Variants in HECW1 observed in about 807,000 individuals in gnomAD.
HECW1 encodes E3 ubiquitin-protein ligase HECW1.
A neutral mutation model predicts 182.3 loss-of-function variants in HECW1; 61 were observed. The ratio of observed to expected loss-of-function variants is 0.33; its 90% confidence interval spans 0.27 to 0.41. The LOEUF (loss-of-function observed/expected upper bound fraction) is 0.41, where lower values mean the gene tolerates loss of function less well. Ranked by LOEUF, HECW1 falls within the 10% of genes least tolerant of loss-of-function variation. The pLI, the probability that HECW1 is intolerant of heterozygous loss-of-function variation, is 1.00. For synonymous variants in HECW1, 859 were observed against 832.6 expected (o/e 1.03, Z -0.55); for missense variants, 1,739 against 2,108.9 (o/e 0.82, Z 3.44).
At chr7:43,505,529 C>CCTGTTT (rs1433147715) in intron 21 of HECW1, among the ~76,000 whole-genome samples, 1 of 152,188 alleles carries the variant, frequency 6.6e-6, no homozygotes, top group Non-Finnish European at 1.5e-5. Flanking sequence ...TGTACCTTGT[C>CCTGTTT]CTGTTTCATG....
At chr7:43,230,895 AAATT>A (rs1261336374) in intron 2 of HECW1, among the ~76,000 whole-genome samples, 1 of 91,610 alleles carries the variant, frequency 1.1e-5, no homozygotes, top group Non-Finnish European at 2.8e-5. Context: ...TAAAAAAAAT[AAATT>A]AAAGCAGAAA....
chr7:43,425,775 A>G (rs2076345370), intron 8 of HECW1, among the ~76,000 whole-genome samples: 1 of 152,144 alleles, frequency 6.6e-6, no homozygotes. Context: ...GCCTTCAATA[A>G]TAGCATTAAT....
At chr7:43,277,861 C>T (rs1312937576) in intron 3 of HECW1, among the ~76,000 whole-genome samples, 1 of 152,196 alleles carries the variant, frequency 6.6e-6, no homozygotes, top group Non-Finnish European at 1.5e-5. Context: ...ACACGGTTGA[C>T]TGTACCTCCC....
intron 5 of HECW1, among the ~76,000 whole-genome samples, chr7:43,359,898 G>A (rs1815652157): frequency 6.6e-6 from 1 of 151,988 alleles, no homozygotes; most frequent in Non-Finnish European, 1.5e-5. Context: ...AGTGAATTGG[G>A]GAAAGCAAAT....
intron 2 of HECW1, chr7:43,194,582 C>T (rs1363814677): frequency 6.6e-6 from 1 of 152,176 alleles, no homozygotes; most frequent in Non-Finnish European, 1.5e-5. Flanking sequence ...CAAGGACCTT[C>T]TTTTCTTGGC....
At chr7:43,313,836 C>T (rs73322335) in intron 4 of HECW1, among the ~76,000 whole-genome samples, 2,212 of 152,260 alleles carry the variant, frequency 0.015, 54 homozygotes, top group African/African-American at 0.051. Flanking sequence ...TGGCCTGTAA[C>T]CTTCAGTGTT....
chr7:43,174,301 G>T (rs1158890621), intron 2 of HECW1, among the ~76,000 whole-genome samples: 1 of 152,158 alleles, frequency 6.6e-6, no homozygotes, highest in African/African-American at 2.4e-5. Context: ...CCCTTATGAG[G>T]GAGGCTGGAC....
chr7:43,200,510 A>G (rs982839166), intron 2 of HECW1, among the ~76,000 whole-genome samples: 4 of 152,218 alleles, frequency 2.6e-5, no homozygotes, highest in African/African-American at 9.6e-5. Flanking sequence ...CTACCTTCCA[A>G]TCTTTTAGAT....
chr7:43,538,062 T>C (rs1402762884), intron 24 of HECW1, among the ~76,000 whole-genome samples: 1 of 152,186 alleles, frequency 6.6e-6, no homozygotes, highest in Non-Finnish European at 1.5e-5. Context: ...CTCAGATTTC[T>C]TCCCTGGTTG....
At position 43,563,065 on chromosome 7, in the gene HECW1, C is replaced by G. The variant is rs1585316730; in HGVS notation, c.*1139C>G. 5.0e-6 allele frequency: 1 copy of G among 201,374 alleles called. No homozygotes were observed. Among genetic ancestry groups the G allele is most frequent in the Non-Finnish European group, 1.0e-5 (1 of 97,914 alleles). The allele number at this position is 201,374 out of a possible 1,614,324, so 12.5% of individuals were successfully genotyped here. ...TTCAAGTTCCTTTGCATTCGATTGT[C>G]CATCGGGACCACACTAGGAAGCTGC... On this transcript the variant is annotated 3_prime_UTR_variant, in exon 30 of 30. Coordinates refer to ENST00000395891, the MANE Select transcript of HECW1 (RefSeq NM_015052.5).
At chr7:43,402,435 G>T (rs915570363) in intron 7 of HECW1, among the ~76,000 whole-genome samples, 2 of 152,156 alleles carry the variant, frequency 1.3e-5, no homozygotes, top group African/African-American at 2.4e-5. Context: ...TGTGAGGGGG[G>T]TCAGGGAACT....
At chr7:43,114,585 T>C (rs978579164) in intron 2 of HECW1, among the ~76,000 whole-genome samples, 194 bp downstream of exon 2, 2 of 152,214 alleles carry the variant, frequency 1.3e-5, no homozygotes, top group Non-Finnish European at 2.9e-5. Flanking sequence ...GAATGTGGCA[T>C]TGGAAAAACA....
chr7:43,207,563 C>G (rs1795600495), intron 2 of HECW1, among the ~76,000 whole-genome samples: 1 of 152,088 alleles, frequency 6.6e-6, no homozygotes. Context: ...GCTATAGAAC[C>G]TAGAACTGAT....
intron 21 of HECW1, among the ~76,000 whole-genome samples, chr7:43,502,018 G>A (rs181589807): frequency 1.9e-4 from 29 of 152,290 alleles, no homozygotes; most frequent in African/African-American, 6.7e-4. Context: ...CACATGGTCT[G>A]CAAAGCCTCA....
rs200590983 is a variant in HECW1, at chr7:43,315,140, T to C, written c.352+3053T>C. ...CTGTTCTGACATAAGAGGGGGAAGATACCTGGATGTAGAGGGTGAAGTGTG... is the reference window on the plus strand; with the variant it reads ...CTGTTCTGACATAAGAGGGGGAAGACACCTGGATGTAGAGGGTGAAGTGTG... On this transcript the variant is annotated intron_variant, in intron 4 of 29. Coordinates refer to ENST00000395891, the MANE Select transcript of HECW1 (RefSeq NM_015052.5). 3.9e-5 allele frequency among the ~76,000 whole-genome samples: 6 copies of C among 152,330 alleles called. No homozygotes were observed. In the East Asian group the frequency reaches 1.2e-3, roughly 29 times the overall value.
chr7:43,321,963 C>T (rs970394813), intron 5 of HECW1, among the ~76,000 whole-genome samples: 6 of 152,118 alleles, frequency 3.9e-5, no homozygotes, highest in South Asian at 2.1e-4. Flanking sequence ...GAATAGACAA[C>T]GAGGAAATTT....
At chr7:43,150,771 A>C (rs2152644293) in intron 2 of HECW1, 1 of 153,502 alleles carries the variant, frequency 6.5e-6, no homozygotes, top group African/African-American at 2.4e-5. Context: ...CAGGGCATCC[A>C]GAGAAGATAG....
intron 4 of HECW1, among the ~76,000 whole-genome samples, chr7:43,320,190 T>A (rs1251653433): frequency 1.3e-5 from 2 of 152,144 alleles, no homozygotes; most frequent in Admixed American, 6.5e-5. Context: ...GGAGGAGAGA[T>A]GATTCGAAGT....
chr7:43,421,183 T>C (rs111233367), intron 8 of HECW1, among the ~76,000 whole-genome samples: 3,623 of 152,326 alleles, frequency 0.024, 139 homozygotes, highest in African/African-American at 0.081. Context: ...CTGCTGTATG[T>C]TATGGAAAGG....
Sources: gnomAD v4.1 joint callset for allele counts (sites outside exome capture counted in the v4.1 genomes callset) on GRCh38, gnomAD v4.1.1 for gene constraint, MANE v1.5 for transcripts, NCBI Gene and HGNC (gene_info 2026-07-23, HGNC 2026-07-21) for gene names.